TBC1D16: variants seen among roughly 807,000 people sequenced by gnomAD.
The protein encoded by TBC1D16 is CTD-2529O21.1.
A neutral mutation model predicts 74.7 loss-of-function variants in TBC1D16; 58 were observed. The ratio of observed to expected loss-of-function variants is 0.78; its 90% CI spans 0.63 to 0.97. The LOEUF is 0.97. Among genes scored for constraint, TBC1D16 ranks in the 50% least tolerant of loss-of-function variants. The pLI, the probability that TBC1D16 is intolerant of heterozygous loss-of-function variation, is 0.00. For synonymous variants in TBC1D16, 493 were observed against 474.7 expected (o/e 1.04, Z -0.50); for missense variants, 1,014 against 1,079.5 (o/e 0.94, Z 0.85).
rs2032041809 is a variant in TBC1D16, at chr17:79,941,936, G to C, written c.2055+124C>G. ...GGGAGGGCACGTGCTGGGGGGCCAT[G>C]GTGGGGATGGGGCTCTGGGGGCGGG... On this transcript the variant is annotated intron_variant, in intron 11 of 11. Coordinates refer to ENST00000310924, the MANE Select transcript of TBC1D16 (RefSeq NM_019020.4). The surrounding 1 kb of genome is among the most constrained non-coding windows in gnomAD (Gnocchi z 4.3). 3.4e-6 allele frequency: 3 copies of C among 876,552 alleles called. No homozygotes were observed. In the South Asian group the frequency reaches 4.9e-5, roughly 14 times the overall value. The allele number at this position is 876,552 out of a possible 1,614,324, so 54.3% of individuals were successfully genotyped here.
At position 79,993,963 on chromosome 17, in the gene TBC1D16, G is replaced by C. The variant is rs1568619316; in HGVS notation, c.779+16197C>G. On this transcript the variant is annotated intron_variant, in intron 3 of 11. Coordinates refer to ENST00000310924, the MANE Select transcript of TBC1D16 (RefSeq NM_019020.4). The surrounding 1 kb of genome is among the most constrained non-coding windows in gnomAD (Gnocchi z 5.1). Reference sequence around the variant, plus strand: ...TGGTTTCTGAGCTGCGGTGGAAAAGGCTGACAAGTTTCATTTCCCTGACCT... The same window carrying C: ...TGGTTTCTGAGCTGCGGTGGAAAAGCCTGACAAGTTTCATTTCCCTGACCT... Among the ~76,000 whole-genome samples, 3 of 152,150 alleles carry C rather than the reference G, an allele frequency of 2.0e-5. No homozygotes were observed. The highest frequency in any genetic ancestry group is 2.9e-5 in the Non-Finnish European group (2 of 68,024).
chr17:79,999,112 C>T (rs1399899790), intron 3 of TBC1D16, among the ~76,000 whole-genome samples: 3 of 151,946 alleles, frequency 2.0e-5, no homozygotes, highest in African/African-American at 7.3e-5. Context: ...AAAAATTAGC[C>T]GTGTGTGGTG....
Position 80,008,634 on chromosome 17 carries a change from G to A in TBC1D16, c.779+1526C>T, listed in dbSNP as rs1355719521. Among the ~76,000 whole-genome samples the A allele has an allele frequency of 1.3e-5, 2 of 152,108 alleles. No homozygotes were observed. The highest frequency in any genetic ancestry group is 4.8e-5 in the African/African-American group (2 of 41,418). On this transcript the variant is annotated intron_variant, in intron 3 of 11. Transcript: ENST00000310924. The surrounding 1 kb of genome is among the most constrained non-coding windows in gnomAD (Gnocchi z 4.5). ...GGGACCCAGGCCAGGACCAGAGTTC[G>A]GGCCCCGCCTCCCCCACACCTCCTC...
intron 3 of TBC1D16, among the ~76,000 whole-genome samples, chr17:79,972,493 G>A (rs1163978265): frequency 1.1e-4 from 17 of 152,142 alleles, no homozygotes; most frequent in Admixed American, 1.0e-3. Context: ...AAAGGAAGGA[G>A]ATTCTGACAC....
At chr17:79,970,540 A>T (rs2034043086) in intron 3 of TBC1D16, among the ~76,000 whole-genome samples, 1 of 152,192 alleles carries the variant, frequency 6.6e-6, no homozygotes, top group African/African-American at 2.4e-5. Context: ...CTGCAATAAA[A>T]AGTTCTGGGT....
intron 3 of TBC1D16, among the ~76,000 whole-genome samples, chr17:79,991,658 G>T (rs1188827890): frequency 6.6e-6 from 1 of 150,604 alleles, no homozygotes; most frequent in Non-Finnish European, 1.5e-5. Flanking sequence ...GTCAGGTGGG[G>T]AGGCGCGCAG....
rs1210043311 is a variant in TBC1D16 at position 79,951,486 on chromosome 17, CTGCTGGAA to C, written c.1045_1052del (p.Phe349ValfsTer18). Reference sequence around the variant, plus strand: ...GCTGCATCTCGGTGCAGTATTTCCACTGCTGGAACACGTCAGACAGCTTGTCCAGGCCG... The same window carrying C: ...GCTGCATCTCGGTGCAGTATTTCCACCACGTCAGACAGCTTGTCCAGGCCG... On this transcript the variant is annotated frameshift_variant, in exon 5 of 12. Coordinates refer to ENST00000310924, the MANE Select transcript of TBC1D16 (RefSeq NM_019020.4). LOFTEE classifies it high-confidence loss of function. 6.2e-7 allele frequency: 1 copy of C among 1,613,866 alleles called. No homozygotes were observed. The highest frequency in any genetic ancestry group is 8.5e-7 in the Non-Finnish European group (1 of 1,179,962).
intron 3 of TBC1D16, among the ~76,000 whole-genome samples, chr17:80,002,448 G>A (rs1005170794): frequency 1.4e-4 from 22 of 152,186 alleles, no homozygotes; most frequent in African/African-American, 5.3e-4. Context: ...GGTGGGGAGC[G>A]GCCGCCCCAT....
intron 10 of TBC1D16, among the ~76,000 whole-genome samples, chr17:79,942,647 C>T (rs2032128007): frequency 6.6e-6 from 1 of 152,186 alleles, no homozygotes; most frequent in Non-Finnish European, 1.5e-5. Flanking sequence ...GAACTCACTC[C>T]AGCGGGTCAT....
chr17:80,030,075 C>T (rs1035845681), intron 1 of TBC1D16, among the ~76,000 whole-genome samples: 2 of 152,132 alleles, frequency 1.3e-5, no homozygotes, highest in African/African-American at 4.8e-5. Context: ...CAGGATCATC[C>T]CCCATTTCAA....
rs928529800 is a variant in TBC1D16, at chr17:79,944,092, A to G, written c.1908+816T>C. On this transcript the variant is annotated intron_variant, in intron 10 of 11. Transcript: ENST00000310924. The surrounding 1 kb of genome is among the most constrained non-coding windows in gnomAD (Gnocchi z 7.7). ...ACTCGGTGGCTTCAGACTCGCTTTC[A>G]TCAGACATCAGCCCCCTGCGGTGTG... 1 of 1,535,998 alleles carries G rather than the reference A, an allele frequency of 6.5e-7. No homozygotes were observed. Among genetic ancestry groups the G allele is most frequent in the Admixed American group, 2.0e-5 (1 of 50,998 alleles).
At chr17:80,029,306 G>A (rs897682841) in intron 1 of TBC1D16, among the ~76,000 whole-genome samples, 1 of 152,124 alleles carries the variant, frequency 6.6e-6, no homozygotes, top group Admixed American at 6.6e-5. Flanking sequence ...GGGGCGGGCA[G>A]GGGAGGAGAG....
At position 79,961,731 on chromosome 17, in the gene TBC1D16, C is replaced by T. The variant is rs770625273; in HGVS notation, c.780-8913G>A. ...ACAAAAAATCAGCCAGACGTGGTGGCGGGCGCCTATAATCCCAGCTACTCG... is the reference window on the plus strand; with the variant it reads ...ACAAAAAATCAGCCAGACGTGGTGGTGGGCGCCTATAATCCCAGCTACTCG... On this transcript the variant is annotated intron_variant, in intron 3 of 11. Transcript: ENST00000310924. This position sits in a 1 kb window ranked among gnomAD's most constrained non-coding sequence, Gnocchi z 4.8. Among the ~76,000 whole-genome samples the T allele has an allele frequency of 1.9e-4, 29 of 152,136 alleles. No homozygotes were observed. Among genetic ancestry groups the T allele is most frequent in the Non-Finnish European group, 2.2e-4 (15 of 68,010 alleles).
Position 79,951,516 on chromosome 17 carries a change from G to A in TBC1D16, c.1023C>T (p.Gly341=). ...GGAACACGTCAGACAGCTTGTCCAG[G>A]CCGCCGTGGTGGAAGTGGAAAACCT... ...QYKVFHFHHG[G]LDKLSDVFQQ... is the part of the protein sequence containing the mutation. Residue 341 remains glycine, a synonymous_variant, in exon 5 of 12, where the codon GGC becomes GGT. Transcript: ENST00000310924. The A allele has an allele frequency of 1.2e-6, 2 of 1,614,126 alleles. No homozygotes were observed.
chr17:80,003,457 G>A (rs2035566173), intron 3 of TBC1D16, among the ~76,000 whole-genome samples: 2 of 152,230 alleles, frequency 1.3e-5, no homozygotes, highest in Admixed American at 1.3e-4. Context: ...CGGCACTGGT[G>A]TCACTGGAAG....
At chr17:79,942,019 G>A (rs1354611832) in intron 11 of TBC1D16, 41 bp downstream of exon 11, 1 of 1,543,178 alleles carries the variant, frequency 6.5e-7, no homozygotes, top group Non-Finnish European at 8.8e-7. Flanking sequence ...TGGGGCTTTG[G>A]GGGCGGGGCG....
Position 79,948,899 on chromosome 17 carries a change from TC to T in TBC1D16, c.1513del (p.Glu505LysfsTer9). The T allele has an allele frequency of 1.2e-6, 2 of 1,613,904 alleles. No homozygotes were observed. Among genetic ancestry groups the T allele is most frequent in the Admixed American group, 1.7e-5 (1 of 60,000 alleles). On this transcript the variant is annotated frameshift_variant, in exon 8 of 12. Coordinates refer to ENST00000310924, the MANE Select transcript of TBC1D16 (RefSeq NM_019020.4). LOFTEE classifies it high-confidence loss of function. Reference sequence around the variant, plus strand: ...CATGCTCTCCACATTGGGATTGTCTTCCCCCCGGAAGAACTGGTTGTTCCGA... The same window carrying T: ...CATGCTCTCCACATTGGGATTGTCTTCCCCCGGAAGAACTGGTTGTTCCGA... ...TDRNNQFFRG[E>X]DNPNVESMRR...
Position 79,944,137 on chromosome 17 carries a change from G to A in TBC1D16, c.1908+771C>T, listed in dbSNP as rs1437538639. 23 of 1,535,860 alleles carry A rather than the reference G, an allele frequency of 1.5e-5. No homozygotes were observed. Among genetic ancestry groups the A allele is most frequent in the Non-Finnish European group, 1.7e-6 (2 of 1,146,844 alleles). On this transcript the variant is annotated intron_variant, in intron 10 of 11. Coordinates refer to ENST00000310924, the MANE Select transcript of TBC1D16 (RefSeq NM_019020.4). This position sits in a 1 kb window ranked among gnomAD's most constrained non-coding sequence, Gnocchi z 7.7. ...GGTGTGAGTGAGGACAGGAGACGCT[G>A]ACGCAAATGTCTTCCAGCAGATGGG...
intron 3 of TBC1D16, among the ~76,000 whole-genome samples, chr17:79,978,607 T>C (rs2034441955): frequency 1.3e-5 from 2 of 152,220 alleles, no homozygotes; most frequent in African/African-American, 2.4e-5. Context: ...AAAATTCCAC[T>C]GAACAGATCT....
Sources: gnomAD v4.1 joint callset for allele counts (sites outside exome capture counted in the v4.1 genomes callset) on GRCh38, gnomAD v4.1.1 for gene constraint, Gnocchi (gnomAD v3.1) non-coding constraint, MANE v1.5 for transcripts, NCBI Gene and HGNC (gene_info 2026-07-23, HGNC 2026-07-21) for gene names.